Variants in VMP1 observed in about 807,000 individuals in gnomAD.
The protein encoded by VMP1 is vacuole membrane protein 1, also known as ectopic P-granules autophagy protein 3 homolog.
A neutral mutation model predicts 56.0 loss-of-function variants in VMP1; 11 were observed. That is an observed-to-expected ratio of 0.20 (90% CI 0.12 to 0.32). The LOEUF (loss-of-function observed/expected upper bound fraction) is 0.32, where lower values mean the gene tolerates loss of function less well. Among genes scored for constraint, VMP1 ranks in the 10% least tolerant of loss-of-function variants. The probability of loss-of-function intolerance (pLI) is 1.00; values close to 1 mark genes in which losing one functional copy is unlikely to be tolerated. For synonymous variants in VMP1, 149 were observed against 165.0 expected (o/e 0.90, Z 0.74); for missense variants, 296 against 490.3 (o/e 0.60, Z 3.74).
rs551964087 is a variant in VMP1 at position 59,789,493 on chromosome 17, C to A, written c.714+15608C>A. On this transcript the variant is annotated intron_variant, in intron 7 of 11. Transcript: ENST00000262291. The stretch of plus-strand genomic sequence containing the variant: ...GAGGTTGCAGTGAGCCAAAATCGCT[C>A]CACTGCACTCCAGCGTGGGTGACAA... Among the ~76,000 whole-genome samples the A allele has an allele frequency of 1.1e-4, 17 of 152,036 alleles. No homozygotes were observed. In the South Asian group the frequency reaches 3.5e-3, roughly 32 times the overall value.
At chr17:59,809,748 C>T (rs1213145335) in intron 8 of VMP1, among the ~76,000 whole-genome samples, 2 of 151,824 alleles carry the variant, frequency 1.3e-5, no homozygotes, top group Admixed American at 6.6e-5. Flanking sequence ...CCTCGTGATC[C>T]GCCCGCCTCG....
At chr17:59,764,354 G>C (rs766354524) in intron 5 of VMP1, among the ~76,000 whole-genome samples, 3 of 152,036 alleles carry the variant, frequency 2.0e-5, no homozygotes, top group Non-Finnish European at 4.4e-5. Flanking sequence ...TAAGGGATGG[G>C]GCCTTGTTCC....
intron 1 of VMP1, among the ~76,000 whole-genome samples, chr17:59,727,057 ATC>A (rs1211384261): frequency 6.6e-6 from 1 of 152,134 alleles, no homozygotes. Context: ...GTGTCATGTT[ATC>A]TCTGTTTTAC....
intron 1 of VMP1, among the ~76,000 whole-genome samples, chr17:59,730,224 T>C (rs982775305): frequency 1.3e-5 from 2 of 152,192 alleles, no homozygotes; most frequent in African/African-American, 4.8e-5. Context: ...TTATGAAATA[T>C]ATGTGATTTG....
chr17:59,752,444 C>T (rs2035689760), intron 5 of VMP1, among the ~76,000 whole-genome samples: 1 of 152,108 alleles, frequency 6.6e-6, no homozygotes, highest in Non-Finnish European at 1.5e-5. Context: ...TTGGTTCACC[C>T]ATTTGCCAAA....
At chr17:59,733,362 T>C (rs2034905587) in intron 2 of VMP1, among the ~76,000 whole-genome samples, 1 of 152,138 alleles carries the variant, frequency 6.6e-6, no homozygotes, top group African/African-American at 2.4e-5. Context: ...TTTCACCTTA[T>C]ACCTAATCAT....
intron 10 of VMP1, among the ~76,000 whole-genome samples, chr17:59,818,586 C>T (rs2038328854): frequency 6.6e-6 from 1 of 151,962 alleles, no homozygotes; most frequent in Admixed American, 6.6e-5. Context: ...GCCTCACCAA[C>T]ATGGAGAAAT....
intron 1 of VMP1, among the ~76,000 whole-genome samples, chr17:59,726,148 T>C (rs2034592486): frequency 6.6e-6 from 1 of 152,202 alleles, no homozygotes; most frequent in South Asian, 2.1e-4. Context: ...GGCTTTAAAA[T>C]ATCTTAAATA....
At chr17:59,747,682 A>G (rs1174015013) in intron 5 of VMP1, among the ~76,000 whole-genome samples, 2 of 151,288 alleles carry the variant, frequency 1.3e-5, no homozygotes, top group African/African-American at 4.9e-5. Flanking sequence ...AAGTGCTAGG[A>G]TTACAGACAT....
At chr17:59,757,616 C>A (rs1268449503) in intron 5 of VMP1, among the ~76,000 whole-genome samples, 1 of 151,996 alleles carries the variant, frequency 6.6e-6, no homozygotes, top group East Asian at 1.9e-4. Context: ...TTGCTCTCAC[C>A]CAGACATACT....
intron 7 of VMP1, among the ~76,000 whole-genome samples, chr17:59,777,597 C>T (rs544358431): frequency 2.7e-3 from 406 of 151,866 alleles, no homozygotes; most frequent in Non-Finnish European, 3.8e-3. Flanking sequence ...GGATCACCTA[C>T]GGTCAGGAGT....
At chr17:59,757,178 C>A (rs2035870013) in intron 5 of VMP1, among the ~76,000 whole-genome samples, 1 of 151,944 alleles carries the variant, frequency 6.6e-6, no homozygotes, top group East Asian at 1.9e-4. Context: ...CTGGGCTTAA[C>A]ATAGATACTA....
At chr17:59,761,101 C>T (rs1313879940) in intron 5 of VMP1, among the ~76,000 whole-genome samples, 1 of 151,880 alleles carries the variant, frequency 6.6e-6, no homozygotes, top group African/African-American at 2.4e-5. Context: ...ACAGGTTTCA[C>T]CATGTTGGCC....
At chr17:59,823,967 GAAA>G (rs1445397024) in intron 10 of VMP1, among the ~76,000 whole-genome samples, 2 of 151,942 alleles carry the variant, frequency 1.3e-5, no homozygotes, top group East Asian at 3.9e-4. Context: ...AAGGAAGAAT[GAAA>G]AATGAATCCC....
intron 5 of VMP1, among the ~76,000 whole-genome samples, chr17:59,752,940 T>C (rs2035706986): frequency 6.6e-6 from 1 of 152,206 alleles, no homozygotes; most frequent in Non-Finnish European, 1.5e-5. Context: ...TATAACAACA[T>C]ATTGTAAGCC....
chr17:59,805,551 T>C (rs936557989), intron 7 of VMP1, among the ~76,000 whole-genome samples: 4 of 151,900 alleles, frequency 2.6e-5, no homozygotes, highest in Non-Finnish European at 4.4e-5. Context: ...AGTAGAAAAA[T>C]GCCATCAGTT....
chr17:59,711,157 CTGTT>C (rs1369903468), intron 1 of VMP1, among the ~76,000 whole-genome samples: 2 of 150,894 alleles, frequency 1.3e-5, no homozygotes, highest in Non-Finnish European at 2.9e-5. Flanking sequence ...CCTCCCCAAG[CTGTT>C]TGTAATTTTA....
At chr17:59,801,114 GT>G (rs2037642199) in intron 7 of VMP1, among the ~76,000 whole-genome samples, 2 of 67,812 alleles carry the variant, frequency 2.9e-5, no homozygotes, top group African/African-American at 8.3e-5. Flanking sequence ...ATATATATAT[GT>G]GTGTGTGTGT....
intron 5 of VMP1, among the ~76,000 whole-genome samples, chr17:59,745,308 A>G (rs1348661948): frequency 2.0e-5 from 3 of 152,232 alleles, no homozygotes; most frequent in African/African-American, 4.8e-5. Context: ...TAAATGAATT[A>G]TCTCACTTAG....
Sources: allele counts gnomAD v4.1 joint callset (sites outside exome capture counted in the v4.1 genomes callset), GRCh38; gene constraint gnomAD v4.1.1; transcripts MANE v1.5; gene names NCBI Gene and HGNC (gene_info 2026-07-23, HGNC 2026-07-21).